Variants in NEURL1 observed in about 807,000 individuals in gnomAD.
NEURL1 encodes neuralized E3 ubiquitin protein ligase 1.
A neutral mutation model predicts 41.2 loss-of-function variants in NEURL1; 26 were observed. That is an observed-to-expected ratio of 0.63 (90% CI 0.46 to 0.87). The LOEUF (loss-of-function observed/expected upper bound fraction) is 0.87, where lower values mean the gene tolerates loss of function less well. Among genes scored for constraint, NEURL1 ranks in the 40% least tolerant of loss-of-function variants. NEURL1 has a pLI of 0.00. For missense variants in NEURL1, 761 were observed against 871.1 expected (o/e 0.87, Z 1.59); for synonymous variants, 400 against 402.3 (o/e 0.99, Z 0.07).
intron 1 of NEURL1, among the ~76,000 whole-genome samples, chr10:103,500,081 A>T (rs1018797415): frequency 6.6e-6 from 1 of 152,124 alleles, no homozygotes; most frequent in African/African-American, 2.4e-5. Context: ...CAGCAGACGG[A>T]TCTAGGGGGT....
At chr10:103,570,753 G>A in intron 1 of NEURL1, 119 bp from the exon 2 acceptor site, 1 of 1,502,358 alleles carries the variant, frequency 6.7e-7, no homozygotes, top group African/African-American at 1.4e-5. Flanking sequence ...CGGCAGTGGT[G>A]AAAGAACTGG....
chr10:103,519,581 T>A (rs999882816), intron 1 of NEURL1, among the ~76,000 whole-genome samples: 1 of 152,178 alleles, frequency 6.6e-6, no homozygotes, highest in African/African-American at 2.4e-5. Flanking sequence ...CCACATCGTA[T>A]GCATCTGAGG....
chr10:103,557,545 G>T (rs1304641030), intron 1 of NEURL1, among the ~76,000 whole-genome samples: 1 of 152,204 alleles, frequency 6.6e-6, no homozygotes, highest in Non-Finnish European at 1.5e-5. Context: ...CCCAGGCGGG[G>T]CCTCCCTTAA....
In NEURL1 at chr10:103,558,131, G is replaced by A. The variant is rs1221176958; in HGVS notation, c.86-12741G>A. On this transcript the variant is annotated intron_variant, in intron 1 of 5. Coordinates refer to ENST00000369780, the MANE Select transcript of NEURL1 (RefSeq NM_004210.5). This position sits in a 1 kb window ranked among gnomAD's most constrained non-coding sequence, Gnocchi z 4.2. ...CTGACCTCGTGATCCACCTGTGTCG[G>A]CCTCCCAAAGTGCTGGGTTTACAGG... The A allele has an allele frequency of 2.1e-6, 2 of 946,988 alleles. No individual in the cohort carries two copies. The allele number at this position is 946,988 out of a possible 1,614,324, so 58.7% of individuals were successfully genotyped here.
intron 1 of NEURL1, among the ~76,000 whole-genome samples, chr10:103,502,589 C>T (rs2033849303): frequency 6.6e-6 from 1 of 152,172 alleles, no homozygotes; most frequent in South Asian, 2.1e-4. Flanking sequence ...CAAATATAGT[C>T]ATATTGGGCA....
At chr10:103,557,372 A>G (rs1462830255) in intron 1 of NEURL1, among the ~76,000 whole-genome samples, 2 of 152,020 alleles carry the variant, frequency 1.3e-5, no homozygotes, top group Middle Eastern at 3.4e-3. Flanking sequence ...GCCCAAGGTC[A>G]TATTCCCTCC....
intron 1 of NEURL1, among the ~76,000 whole-genome samples, chr10:103,551,334 G>A (rs1439854860): frequency 4.6e-5 from 6 of 129,186 alleles, no homozygotes; most frequent in African/African-American, 6.3e-5. Context: ...ATGGAGTCTC[G>A]CTCTGTCGCC....
At chr10:103,509,501 C>T (rs1028673719) in intron 1 of NEURL1, among the ~76,000 whole-genome samples, 3 of 152,110 alleles carry the variant, frequency 2.0e-5, no homozygotes, top group Non-Finnish European at 4.4e-5. Flanking sequence ...ATGCACCTAA[C>T]CATAGAAAAG....
intron 3 of NEURL1, among the ~76,000 whole-genome samples, chr10:103,578,290 G>A (rs1049074680): frequency 6.6e-6 from 1 of 152,150 alleles, no homozygotes; most frequent in Admixed American, 6.5e-5. Flanking sequence ...TAAAGACACC[G>A]CCCTCCACGG....
intron 1 of NEURL1, among the ~76,000 whole-genome samples, chr10:103,551,907 T>A (rs2035039792): frequency 6.6e-6 from 1 of 152,228 alleles, no homozygotes; most frequent in Non-Finnish European, 1.5e-5. Flanking sequence ...GAGTTGGGGC[T>A]GCTGCTCATC....
intron 1 of NEURL1, among the ~76,000 whole-genome samples, chr10:103,505,655 A>G (rs970121686): frequency 6.6e-6 from 1 of 152,180 alleles, no homozygotes. Flanking sequence ...ATGAGCCACC[A>G]TGTCCAGCCA....
Position 103,523,363 on chromosome 10 carries a change from G to C in NEURL1, c.85+28891G>C, listed in dbSNP as rs555877596. 5.4e-4 allele frequency among the ~76,000 whole-genome samples: 82 copies of C among 152,050 alleles called. 1 individual carries two copies. The highest frequency in any genetic ancestry group is 1.2e-3 in the South Asian group (6 of 4,818). On this transcript the variant is annotated intron_variant, in intron 1 of 5. Transcript: ENST00000369780. The stretch of plus-strand genomic sequence containing the variant: ...CCCAGCTACTCTGGAGGCTAAGGTG[G>C]AAGGATCACTTGAGTCCAAGAGTTT...
intron 1 of NEURL1, among the ~76,000 whole-genome samples, chr10:103,559,413 T>G (rs2035233153): frequency 6.7e-6 from 1 of 148,554 alleles, no homozygotes; most frequent in African/African-American, 2.5e-5. Flanking sequence ...CGGGGAAGAG[T>G]GTGGGGTGGA....
At chr10:103,502,142 A>G (rs1417423173) in intron 1 of NEURL1, among the ~76,000 whole-genome samples, 2 of 152,202 alleles carry the variant, frequency 1.3e-5, no homozygotes, top group African/African-American at 4.8e-5. Context: ...ACACTGAGCT[A>G]GGAAAGAGCA....
intron 1 of NEURL1, among the ~76,000 whole-genome samples, chr10:103,500,059 C>T (rs1405825448): frequency 6.6e-6 from 1 of 152,198 alleles, no homozygotes; most frequent in African/African-American, 2.4e-5. Flanking sequence ...CAGCTCTCCA[C>T]CCCCGGGAAT....
intron 1 of NEURL1, among the ~76,000 whole-genome samples, chr10:103,496,296 C>T (rs1274946889): frequency 1.3e-5 from 2 of 152,128 alleles, no homozygotes; most frequent in African/African-American, 2.4e-5. Flanking sequence ...TGGTAGAGTA[C>T]TATGCAGTGA....
chr10:103,500,078 C>T (rs891135192), intron 1 of NEURL1, among the ~76,000 whole-genome samples: 6 of 152,332 alleles, frequency 3.9e-5, no homozygotes, highest in African/African-American at 7.2e-5. Flanking sequence ...ATGCAGCAGA[C>T]GGATCTAGGG....
intron 3 of NEURL1, among the ~76,000 whole-genome samples, chr10:103,580,495 G>A (rs1177260297): frequency 6.6e-6 from 1 of 152,172 alleles, no homozygotes; most frequent in South Asian, 2.1e-4. Context: ...TTCTCCCATG[G>A]CTTGGGGCCC....
chr10:103,536,562 A>G (rs2034698675), intron 1 of NEURL1, among the ~76,000 whole-genome samples: 1 of 151,852 alleles, frequency 6.6e-6, no homozygotes, highest in Non-Finnish European at 1.5e-5. Flanking sequence ...CTCTCTACCT[A>G]TCTATCTATC....
Sources: gnomAD v4.1 joint callset for allele counts (sites outside exome capture counted in the v4.1 genomes callset) on GRCh38, gnomAD v4.1.1 for gene constraint, Gnocchi (gnomAD v3.1) non-coding constraint, MANE v1.5 for transcripts, NCBI Gene and HGNC (gene_info 2026-07-23, HGNC 2026-07-21) for gene names.